Variants in SH3GL2 observed in about 807,000 individuals in gnomAD.
The protein encoded by SH3GL2 is endophilin-A1.
In SH3GL2, 24 loss-of-function variants were observed where a neutral mutation model predicts 46.0. That is an observed-to-expected ratio of 0.52 (90% CI 0.38 to 0.73). The LOEUF is 0.73. Among genes scored for constraint, SH3GL2 ranks in the 30% least tolerant of loss-of-function variants. SH3GL2 has a pLI of 0.00. For synonymous variants in SH3GL2, 196 were observed against 147.1 expected (o/e 1.33, Z -2.40); for missense variants, 413 against 424.2 (o/e 0.97, Z 0.23).
chr9:17,727,674 G>A (rs1044971203), intron 1 of SH3GL2, among the ~76,000 whole-genome samples: 1 of 152,162 alleles, frequency 6.6e-6, no homozygotes, highest in Middle Eastern at 3.2e-3. Flanking sequence ...GTGAATCAGT[G>A]GATGACGATT....
intron 3 of SH3GL2, among the ~76,000 whole-genome samples, chr9:17,785,246 CATCAAGG>C (rs990531493): frequency 1.3e-5 from 2 of 152,136 alleles, no homozygotes. Flanking sequence ...CTCAATCCCC[CATCAAGG>C]CACTTGGCAT....
intron 1 of SH3GL2, among the ~76,000 whole-genome samples, chr9:17,675,323 C>T (rs3808718): frequency 0.54 from 81,579 of 151,962 alleles, 23,083 homozygotes; most frequent in African/African-American, 0.71. Context: ...AAATAAATAA[C>T]TCAAGTATAC....
Position 17,579,172 on chromosome 9 carries a change from C to G in SH3GL2, c.-71C>G, listed in dbSNP as rs1038983153. 16 of 1,184,632 alleles carry G rather than the reference C, an allele frequency of 1.4e-5. No individual in the cohort carries two copies. The Admixed American group carries it at 3.0e-4, about 22-fold the overall frequency. 73.4% of individuals were successfully genotyped at this position (1,184,632 alleles called of 1,614,324 possible). ...GAGGCGGCCAGGGGAGCGCGCCGCC[C>G]CGCTCGGCCCTCCAGTCCCCCTCCG... is the stretch of plus-strand genomic sequence containing the variant. On this transcript the variant is annotated 5_prime_UTR_variant, in exon 1 of 9. Transcript: ENST00000380607.
At chr9:17,747,527 T>C (rs899709946) in intron 2 of SH3GL2, among the ~76,000 whole-genome samples, 1 of 152,180 alleles carries the variant, frequency 6.6e-6, no homozygotes, top group African/African-American at 2.4e-5. Flanking sequence ...GGACCTTCCT[T>C]ACTGGATGAT....
chr9:17,749,572 C>G (rs559281729), intron 2 of SH3GL2, among the ~76,000 whole-genome samples: 1 of 152,290 alleles, frequency 6.6e-6, no homozygotes, highest in South Asian at 2.1e-4. Context: ...TTGACACTTC[C>G]TTTTAGCATC....
intron 1 of SH3GL2, among the ~76,000 whole-genome samples, chr9:17,597,360 C>A (rs1339098810): frequency 6.6e-6 from 1 of 151,878 alleles, no homozygotes; most frequent in Admixed American, 6.6e-5. Context: ...TGCTAAAATA[C>A]AAAAAAATTA....
At chr9:17,665,131 G>GT (rs1820312324) in intron 1 of SH3GL2, among the ~76,000 whole-genome samples, 2 of 152,056 alleles carry the variant, frequency 1.3e-5, no homozygotes, top group South Asian at 2.1e-4. Context: ...TCTCTGAACC[G>GT]TTTAAGAGTT....
intron 1 of SH3GL2, among the ~76,000 whole-genome samples, chr9:17,601,337 T>C (rs192978938): frequency 1.1e-3 from 160 of 151,942 alleles, no homozygotes; most frequent in African/African-American, 3.8e-3. Flanking sequence ...GTTGAGAGGG[T>C]ATTTTTAGAC....
In SH3GL2 at chr9:17,786,422, A is replaced by T; in HGVS notation, c.229A>T (p.Ile77Phe). 2 of 1,613,366 alleles carry T rather than the reference A, an allele frequency of 1.2e-6. No individual in the cohort carries two copies. Among genetic ancestry groups the T allele is most frequent in the Non-Finnish European group, 8.5e-7 (1 of 1,179,618 alleles). ...CAGCATGATCAACACCATGTCAAAAATCCGTGGCCAGGAGAAGGGGCCAGG... is the reference window on the plus strand; with the variant it reads ...CAGCATGATCAACACCATGTCAAAATTCCGTGGCCAGGAGAAGGGGCCAGG... ...KLSMINTMSK[I>F]RGQEKGPGYP... The change falls in exon 4 of 9, where the codon ATC becomes TTC. Residue 77 changes from isoleucine (I) to phenylalanine (F), a missense_variant. Coordinates refer to ENST00000380607, the MANE Select transcript of SH3GL2 (RefSeq NM_003026.5).
intron 1 of SH3GL2, among the ~76,000 whole-genome samples, chr9:17,687,891 G>A (rs1444988906): frequency 6.6e-6 from 1 of 152,026 alleles, no homozygotes; most frequent in African/African-American, 2.4e-5. Flanking sequence ...CCATGGCGAG[G>A]ATTGCTGCCT....
intron 1 of SH3GL2, among the ~76,000 whole-genome samples, chr9:17,622,588 G>T (rs1014277737): frequency 3.3e-5 from 5 of 151,422 alleles, no homozygotes; most frequent in African/African-American, 1.2e-4. Context: ...CCTCTACAAA[G>T]ACCAAAAAAA....
Position 17,645,260 on chromosome 9 carries a change from C to G in SH3GL2, c.45+65973C>G, listed in dbSNP as rs535985164. ...GTGCTTTTGCACATGAGATGGGTCT[C>G]CTGAATACAACACACTGATGGGTCT... On this transcript the variant is annotated intron_variant, in intron 1 of 8. Transcript: ENST00000380607. Among the ~76,000 whole-genome samples, 3 of 141,376 alleles carry G rather than the reference C, an allele frequency of 2.1e-5. No individual in the cohort carries two copies. In the Admixed American group the frequency reaches 2.3e-4, roughly 11 times the overall value. 92.7% of individuals were successfully genotyped at this position (141,376 alleles called of 152,430 possible). A position where few individuals can be genotyped will look rare whatever the true frequency, so the allele number is the denominator to read the frequency against.
In SH3GL2 at chr9:17,673,976, T is replaced by A. The variant is rs143593906; in HGVS notation, c.46-73090T>A. On this transcript the variant is annotated intron_variant, in intron 1 of 8. Transcript: ENST00000380607. ...CACTTTATTGAATTCATCTTTAAGC[T>A]CCTTGAATGGAGGGTCTGTGTTTTA... Among the ~76,000 whole-genome samples, 260 of 152,310 alleles carry A rather than the reference T, an allele frequency of 1.7e-3. 1 individual carries two copies. Among genetic ancestry groups the A allele is most frequent in the African/African-American group, 5.8e-3 (242 of 41,572 alleles).
intron 3 of SH3GL2, among the ~76,000 whole-genome samples, chr9:17,786,079 C>A (rs1454316063): frequency 6.6e-6 from 1 of 152,070 alleles, no homozygotes; most frequent in Non-Finnish European, 1.5e-5. Context: ...GCAGGGGCCA[C>A]CACAGTGAAG....
At chr9:17,715,649 T>C (rs755262579) in intron 1 of SH3GL2, among the ~76,000 whole-genome samples, 5 of 151,988 alleles carry the variant, frequency 3.3e-5, no homozygotes, top group Admixed American at 2.6e-4. Context: ...TTTTTTTATG[T>C]CTGGGAATTA....
chr9:17,675,455 G>A (rs1820581664), intron 1 of SH3GL2, among the ~76,000 whole-genome samples: 1 of 152,062 alleles, frequency 6.6e-6, no homozygotes, highest in South Asian at 2.1e-4. Flanking sequence ...TAATATTACA[G>A]GCATTTATGT....
intron 1 of SH3GL2, among the ~76,000 whole-genome samples, chr9:17,691,660 A>G (rs367756374): frequency 3.5e-4 from 53 of 152,282 alleles, no homozygotes; most frequent in African/African-American, 1.2e-3. Context: ...TAGCTCTCAA[A>G]AAATTGATGG....
At chr9:17,610,303 A>C (rs1418482727) in intron 1 of SH3GL2, among the ~76,000 whole-genome samples, 2 of 152,224 alleles carry the variant, frequency 1.3e-5, no homozygotes, top group African/African-American at 4.8e-5. Flanking sequence ...CTTCCTGAAG[A>C]TCAGAGCTGT....
intron 1 of SH3GL2, among the ~76,000 whole-genome samples, chr9:17,691,430 A>T (rs1299403095): frequency 1.3e-5 from 2 of 152,162 alleles, no homozygotes; most frequent in Non-Finnish European, 2.9e-5. Flanking sequence ...TATTGCTTAG[A>T]AAAACGTACT....
Sources: gnomAD v4.1 joint callset for allele counts (sites outside exome capture counted in the v4.1 genomes callset) on GRCh38, gnomAD v4.1.1 for gene constraint, MANE v1.5 for transcripts, NCBI Gene and HGNC (gene_info 2026-07-23, HGNC 2026-07-21) for gene names.